FYB1: variants seen among roughly 807,000 people sequenced by gnomAD.
FYB1 encodes FYN-binding protein 1.
In FYB1, 41 loss-of-function variants were observed where a neutral mutation model predicts 94.1. The observed-to-expected ratio is 0.44, with a 90% CI of 0.34 to 0.57. FYB1 has a LOEUF of 0.57. Among genes scored for constraint, FYB1 ranks in the 20% least tolerant of loss-of-function variants. The probability of loss-of-function intolerance (pLI) is 0.02; values close to 1 mark genes in which losing one functional copy is unlikely to be tolerated. For missense variants in FYB1, 1,050 were observed against 976.8 expected (o/e 1.07, Z -1.00); for synonymous variants, 367 against 353.2 (o/e 1.04, Z -0.44).
At chr5:39,270,619 T>C in intron 1 of FYB1, 1 of 1,528,998 alleles carries the variant, frequency 6.5e-7, no homozygotes, top group South Asian at 1.2e-5. Flanking sequence ...ACCCCGAAGA[T>C]GGTGCAGCTT....
intron 2 of FYB1, among the ~76,000 whole-genome samples, chr5:39,185,613 T>C (rs28481468): frequency 6.2e-5 from 9 of 145,942 alleles, no homozygotes; most frequent in East Asian, 2.0e-4. Context: ...TATACACATA[T>C]ATATATATAC....
chr5:39,136,676 C>A (rs750231099), intron 7 of FYB1, among the ~76,000 whole-genome samples: 48 of 152,120 alleles, frequency 3.2e-4, no homozygotes, highest in South Asian at 1.2e-3. Context: ...GTATGTGCAA[C>A]TGGAATTTGA....
chr5:39,194,855 A>T (rs1176005478), intron 2 of FYB1, among the ~76,000 whole-genome samples: 1 of 152,186 alleles, frequency 6.6e-6, no homozygotes, highest in Non-Finnish European at 1.5e-5. Flanking sequence ...CACCAGAAGG[A>T]AGAAGCCCTG....
chr5:39,244,606 T>C (rs1751383659), intron 1 of FYB1, among the ~76,000 whole-genome samples: 1 of 139,608 alleles, frequency 7.2e-6, no homozygotes, highest in African/African-American at 3.3e-5. Context: ...ATTCTCTTTT[T>C]TTGTTGTGTC....
chr5:39,201,704 T>G, intron 2 of FYB1, 122 bp downstream of exon 2: 1 of 851,734 alleles, frequency 1.2e-6, no homozygotes, highest in Non-Finnish European at 1.8e-6. Context: ...AGAAAATTCA[T>G]TATACACATA....
chr5:39,248,863 A>G (rs1334871417), intron 1 of FYB1, among the ~76,000 whole-genome samples: 1 of 152,206 alleles, frequency 6.6e-6, no homozygotes, highest in African/African-American at 2.4e-5. Context: ...AATATCTTAA[A>G]TATTCCCCTT....
At chr5:39,145,876 TC>T (rs1481277125) in intron 3 of FYB1, among the ~76,000 whole-genome samples, 1 of 151,718 alleles carries the variant, frequency 6.6e-6, no homozygotes, top group Non-Finnish European at 1.5e-5. Context: ...CTTCTCAGCA[TC>T]CCCTGCTTGT....
intron 7 of FYB1, among the ~76,000 whole-genome samples, chr5:39,135,769 T>C (rs1435256761): frequency 1.3e-5 from 2 of 152,158 alleles, no homozygotes; most frequent in African/African-American, 2.4e-5. Context: ...AAGAAAATAA[T>C]GTAAGTTAAG....
At chr5:39,172,425 G>A (rs1041971389) in intron 2 of FYB1, among the ~76,000 whole-genome samples, 2 of 149,766 alleles carry the variant, frequency 1.3e-5, no homozygotes, top group South Asian at 2.2e-4. Flanking sequence ...TAGGATGGGC[G>A]ACAGAGCAAG....
At chr5:39,144,945 A>G (rs1742514125) in intron 3 of FYB1, among the ~76,000 whole-genome samples, 1 of 152,238 alleles carries the variant, frequency 6.6e-6, no homozygotes, top group Non-Finnish European at 1.5e-5. Context: ...TTGGTATTTT[A>G]TATTAATGCA....
intron 1 of FYB1, 125 bp downstream of exon 1, chr5:39,219,318 C>G: frequency 2.0e-6 from 1 of 501,108 alleles, no homozygotes; most frequent in Non-Finnish European, 2.6e-6. Context: ...TCCAACAGAA[C>G]ATGCGTTTCC....
chr5:39,189,856 T>C (rs1747195955), intron 2 of FYB1, among the ~76,000 whole-genome samples: 1 of 152,200 alleles, frequency 6.6e-6, no homozygotes, highest in African/African-American at 2.4e-5. Context: ...TAAGGGAAAC[T>C]GCTGAGTCCT....
chr5:39,161,051 T>C (rs1268584993), intron 2 of FYB1, among the ~76,000 whole-genome samples: 1 of 152,242 alleles, frequency 6.6e-6, no homozygotes, highest in Non-Finnish European at 1.5e-5. Context: ...ATCACCTAGC[T>C]CAGAGAGCTC....
In FYB1 at chr5:39,202,016, C is replaced by A. The variant is rs201570574; in HGVS notation, c.945G>T (p.Lys315Asn). 773 of 1,613,900 alleles carry A rather than the reference C, an allele frequency of 4.8e-4. 1 individual carries two copies. The highest frequency in any genetic ancestry group is 6.4e-4 in the Non-Finnish European group (753 of 1,179,906). ...ASGTPPARFP[K>N]APSKLTVGGP... ...CCCCCACTGTCAGCTTAGAAGGGGC[C>A]TTAGGGAACCTGGCAGGAGGAGTCC... The change falls in exon 2 of 19, where the codon AAG becomes AAT. Residue 315 changes from lysine (K) to asparagine (N), a missense_variant. Coordinates refer to ENST00000512982, the MANE Select transcript of FYB1 (RefSeq NM_001465.6).
intron 2 of FYB1, among the ~76,000 whole-genome samples, chr5:39,158,618 G>A (rs1743970838): frequency 6.6e-6 from 1 of 152,116 alleles, no homozygotes; most frequent in Admixed American, 6.6e-5. Context: ...GCTGGTTCTG[G>A]ATACTTTTAC....
At chr5:39,157,720 G>T (rs72734750) in intron 2 of FYB1, among the ~76,000 whole-genome samples, 32,562 of 152,132 alleles carry the variant, frequency 0.21, 3,676 homozygotes, top group African/African-American at 0.26. Context: ...CAAAGCTCAG[G>T]GGGGGAATGC....
intron 5 of FYB1, chr5:39,138,931 T>C (rs995835662): frequency 5.4e-6 from 3 of 559,294 alleles, no homozygotes; most frequent in Non-Finnish European, 9.6e-6. Context: ...TTAAAATATT[T>C]TTTTTCTCCT....
rs771649943 is a variant in FYB1, at chr5:39,202,368, A to C, written c.593T>G (p.Phe198Cys). ...EPKPLFPKPA[F>C]GQKPPLSTEN... ...GGTACTTAGGGGCGGCTTCTGGCCAAAGGCGGGTTTGGGGAAGAGGGGCTT... is the reference window on the plus strand; with the variant it reads ...GGTACTTAGGGGCGGCTTCTGGCCACAGGCGGGTTTGGGGAAGAGGGGCTT... Residue 198 changes from phenylalanine (F) to cysteine (C), a missense_variant, in exon 2 of 19, where the codon TTT (phenylalanine) becomes TGT (cysteine). Transcript: ENST00000512982. The C allele has an allele frequency of 2.2e-5, 36 of 1,613,940 alleles. No homozygotes were observed. The highest frequency in any genetic ancestry group is 3.0e-5 in the Non-Finnish European group (35 of 1,179,882).
chr5:39,156,160 A>G (rs1446245849), intron 2 of FYB1, among the ~76,000 whole-genome samples: 1 of 152,034 alleles, frequency 6.6e-6, no homozygotes, highest in Non-Finnish European at 1.5e-5. Flanking sequence ...TGGTGTAGGG[A>G]ATGGTGAGTC....
Sources: gnomAD v4.1 joint callset for allele counts (sites outside exome capture counted in the v4.1 genomes callset) on GRCh38, gnomAD v4.1.1 for gene constraint, MANE v1.5 for transcripts, NCBI Gene and HGNC (gene_info 2026-07-23, HGNC 2026-07-21) for gene names.